Variants in ZDHHC13 observed in about 807,000 individuals in gnomAD.
The protein encoded by ZDHHC13 is zDHHC palmitoyltransferase 13.
Under a neutral mutation model 86.0 loss-of-function variants are expected in ZDHHC13, and 85 were observed. The ratio of observed to expected loss-of-function variants is 0.99; its 90% confidence interval spans 0.83 to 1.18. ZDHHC13 has a LOEUF of 1.18. Among genes scored for constraint, ZDHHC13 ranks in the 50% most tolerant of loss-of-function variants. The pLI is 0.00. For missense variants in ZDHHC13, 711 were observed against 730.2 expected, an observed-to-expected ratio of 0.97 and a Z score of 0.30; for synonymous variants, 263 against 246.4, an observed-to-expected ratio of 1.07 and a Z score of -0.63.
At chr11:19,137,249 AAG>A (rs1849168583) in intron 1 of ZDHHC13, among the ~76,000 whole-genome samples, 1 of 152,022 alleles carries the variant, frequency 6.6e-6, no homozygotes, top group Non-Finnish European at 1.5e-5. Context: ...AAAACAAAAA[AAG>A]GCAGGGGTTG....
In ZDHHC13 at chr11:19,174,752, G is replaced by A. The variant is rs140958774; in HGVS notation, c.1731-1070G>A. On this transcript the variant is annotated intron_variant, in intron 16 of 16. Transcript: ENST00000446113. ...TGGCCTGGGCCTTGAGAACTGGTAG[G>A]ACTTGAAAGGATAAGGGGGTTCCTG... Among the ~76,000 whole-genome samples the A allele has an allele frequency of 5.3e-3, 812 of 152,346 alleles. 5 individuals carry two copies. Among genetic ancestry groups the A allele is most frequent in the African/African-American group, 0.018 (756 of 41,574 alleles).
chr11:19,135,725 T>A (rs1264953152), intron 1 of ZDHHC13, among the ~76,000 whole-genome samples: 1 of 152,270 alleles, frequency 6.6e-6, no homozygotes, highest in African/African-American at 2.4e-5. Flanking sequence ...GCTGGAGATC[T>A]GAGAACGGGC....
intron 12 of ZDHHC13, chr11:19,164,700 T>C (rs1054291499): frequency 2.4e-6 from 1 of 410,166 alleles, no homozygotes; most frequent in Non-Finnish European, 4.4e-6. Flanking sequence ...CATTTTGCAA[T>C]TGAGGAATCA....
intron 16 of ZDHHC13, among the ~76,000 whole-genome samples, chr11:19,175,417 A>AAAAAAAAAAAAAT (rs1850336963): frequency 7.4e-6 from 1 of 135,614 alleles, no homozygotes; most frequent in Non-Finnish European, 1.6e-5. Flanking sequence ...AAAAAAAAAA[A>AAAAAAAAAAAAAT]GGTTTAGGGA....
At chr11:19,135,369 T>G (rs1849108468) in intron 1 of ZDHHC13, among the ~76,000 whole-genome samples, 1 of 152,218 alleles carries the variant, frequency 6.6e-6, no homozygotes, top group Non-Finnish European at 1.5e-5. Flanking sequence ...TCCGACGGGC[T>G]TAAAAAACGG....
intron 9 of ZDHHC13, 104 bp downstream of exon 9, chr11:19,156,033 T>C (rs1029730119): frequency 1.5e-6 from 2 of 1,365,440 alleles, no homozygotes; most frequent in African/African-American, 2.9e-5. Flanking sequence ...ATGCTGTAAA[T>C]ATTACTTACC....
intron 12 of ZDHHC13, 101 bp from the exon 13 acceptor site, chr11:19,164,951 G>T: frequency 2.3e-6 from 2 of 875,458 alleles, no homozygotes; most frequent in Non-Finnish European, 3.7e-6. Flanking sequence ...TTTAGGATTT[G>T]TGCCAATGCC....
intron 1 of ZDHHC13, among the ~76,000 whole-genome samples, chr11:19,139,260 T>C (rs1293314224): frequency 1.3e-5 from 2 of 152,140 alleles, no homozygotes; most frequent in East Asian, 3.9e-4. Context: ...AGGATTCTTA[T>C]ACACCAACAA....
At chr11:19,169,265 A>C (rs1326209203) in intron 14 of ZDHHC13, 1 of 985,296 alleles carries the variant, frequency 1.0e-6, no homozygotes, top group South Asian at 4.7e-5. Context: ...TATCAGGTGC[A>C]TGGGATGCAT....
chr11:19,136,513 A>G (rs1311859373), intron 1 of ZDHHC13, among the ~76,000 whole-genome samples: 2 of 152,268 alleles, frequency 1.3e-5, no homozygotes, highest in Non-Finnish European at 2.9e-5. Flanking sequence ...GCTATTATCC[A>G]GGAGAACTTC....
intron 10 of ZDHHC13, among the ~76,000 whole-genome samples, chr11:19,159,776 T>C (rs997251538): frequency 6.6e-6 from 1 of 151,968 alleles, no homozygotes; most frequent in African/African-American, 2.4e-5. Flanking sequence ...CTCTTAGTGT[T>C]GGCCAAGTCC....
intron 1 of ZDHHC13, among the ~76,000 whole-genome samples, chr11:19,126,538 C>T (rs1160209303): frequency 3.2e-5 from 4 of 124,046 alleles, no homozygotes; most frequent in East Asian, 2.3e-4. Flanking sequence ...TTAGTAGAGA[C>T]GGAGTTTCAC....
At position 19,117,320 on chromosome 11, in the gene ZDHHC13, G is replaced by A; in HGVS notation, c.27+44G>A. On this transcript the variant is annotated intron_variant, in intron 1 of 16. Transcript: ENST00000446113. The surrounding 1 kb of genome is among the most constrained non-coding windows in gnomAD (Gnocchi z 4.2). ...TGGCTGTCCTGGGGGCCGGGAGAGC[G>A]GCTGCAGCTGTGGAGGAAAGGATGG... 1 of 1,436,668 alleles carries A rather than the reference G, an allele frequency of 7.0e-7. No individual in the cohort carries two copies. The highest frequency in any genetic ancestry group is 9.1e-7 in the Non-Finnish European group (1 of 1,095,192). The allele number at this position is 1,436,668 out of a possible 1,614,324, so 89.0% of individuals were successfully genotyped here.
intron 1 of ZDHHC13, among the ~76,000 whole-genome samples, chr11:19,136,979 C>A (rs1370583168): frequency 6.6e-6 from 1 of 151,986 alleles, no homozygotes; most frequent in Admixed American, 6.5e-5. Context: ...AATGTAAAGA[C>A]CATCGAGACT....
rs747648195 is a variant in ZDHHC13, at chr11:19,131,014, T to TTTTG, written c.28-11944_28-11941dup. Among the ~76,000 whole-genome samples, 28 of 151,516 alleles carry TTTTG rather than the reference T, an allele frequency of 1.8e-4. 1 individual carries two copies. The highest frequency in any genetic ancestry group is 6.3e-4 in the African/African-American group (26 of 41,192). ...GTGCGTGCCACCATGCCCGGCTAATTTTTGTTTGTTTGTTTGTTTGTTTAG... is the reference window on the plus strand; with the variant it reads ...GTGCGTGCCACCATGCCCGGCTAATTTTTGTTTGTTTGTTTGTTTGTTTGTTTAG... On this transcript the variant is annotated intron_variant, in intron 1 of 16. Coordinates refer to ENST00000446113, the MANE Select transcript of ZDHHC13 (RefSeq NM_019028.3).
intron 16 of ZDHHC13, among the ~76,000 whole-genome samples, chr11:19,174,646 G>A (rs1850311091): frequency 6.6e-6 from 1 of 152,256 alleles, no homozygotes; most frequent in South Asian, 2.1e-4. Flanking sequence ...GGAATAGATA[G>A]TGGTACTTCC....
chr11:19,172,358 A>T (rs754365046), intron 15 of ZDHHC13, among the ~76,000 whole-genome samples: 4 of 152,206 alleles, frequency 2.6e-5, no homozygotes, highest in Non-Finnish European at 4.4e-5. Flanking sequence ...GGCGTGAGCC[A>T]CCGTGCCCTG....
intron 1 of ZDHHC13, among the ~76,000 whole-genome samples, chr11:19,142,006 C>T (rs1849334070): frequency 6.6e-6 from 1 of 152,100 alleles, no homozygotes; most frequent in South Asian, 2.1e-4. Flanking sequence ...TAGCACTATG[C>T]TTTAACCAAC....
intron 3 of ZDHHC13, among the ~76,000 whole-genome samples, chr11:19,147,374 C>T (rs556086342): frequency 2.0e-5 from 3 of 152,218 alleles, no homozygotes; most frequent in South Asian, 2.1e-4. Context: ...ATGCTAATTA[C>T]AGCAGGACTA....
Sources: gnomAD v4.1 joint callset for allele counts (sites outside exome capture counted in the v4.1 genomes callset) on GRCh38, gnomAD v4.1.1 for gene constraint, Gnocchi (gnomAD v3.1) non-coding constraint, MANE v1.5 for transcripts, NCBI Gene and HGNC (gene_info 2026-07-23, HGNC 2026-07-21) for gene names.